The following ZBTB49 variants were observed in gnomAD, a reference collection of about 807,000 sequenced individuals.
ZBTB49 encodes the protein zinc finger and BTB domain containing 49, also known as zinc finger and BTB domain-containing protein 49.
Under a neutral mutation model 57.5 loss-of-function variants are expected in ZBTB49, and 43 were observed. The observed-to-expected ratio is 0.75, with a 90% CI of 0.59 to 0.97. The LOEUF is 0.97. Among genes scored for constraint, ZBTB49 ranks in the 50% least tolerant of loss-of-function variants. The pLI is 0.00. For synonymous variants in ZBTB49, 369 were observed against 362.1 expected (o/e 1.02, Z -0.22); for missense variants, 938 against 947.7 (o/e 0.99, Z 0.13).
intron 1 of ZBTB49, among the ~76,000 whole-genome samples, chr4:4,298,891 T>G (rs1438529159): frequency 6.6e-6 from 1 of 152,262 alleles, no homozygotes; most frequent in Non-Finnish European, 1.5e-5. Flanking sequence ...TTTTGTTTAG[T>G]CGTGCATCAG....
chr4:4,303,668 A>G (rs898182635), intron 3 of ZBTB49, among the ~76,000 whole-genome samples: 10 of 151,866 alleles, frequency 6.6e-5, no homozygotes, highest in Non-Finnish European at 1.2e-4. Flanking sequence ...TGAATTTTCA[A>G]AGTTTTGTTA....
rs1191838384 is a variant in ZBTB49, at chr4:4,321,118, T to C, written c.2100T>C (p.Gly700=). 5 of 1,614,162 alleles carry C rather than the reference T, an allele frequency of 3.1e-6. No individual in the cohort carries two copies. The South Asian group carries it at 5.5e-5, about 18-fold the overall frequency. The change falls in exon 8 of 8, where the codon GGT becomes GGC. Residue 700 remains glycine, a synonymous_variant. Transcript: ENST00000337872. ...ACTCGGATGTGGACACCCCAGCCGGTGGCGAACCACTGCAGGCCGATGGCA... is the reference window on the plus strand; with the variant it reads ...ACTCGGATGTGGACACCCCAGCCGGCGGCGAACCACTGCAGGCCGATGGCA... The part of the protein sequence containing the change: ...YAYSDVDTPA[G]GEPLQADGMA...
chr4:4,295,052 C>G (rs1720128238), intron 1 of ZBTB49, among the ~76,000 whole-genome samples: 1 of 152,090 alleles, frequency 6.6e-6, no homozygotes, highest in Non-Finnish European at 1.5e-5. Context: ...GTCTCCATAT[C>G]TTAATTGTTT....
chr4:4,300,297 A>G (rs1338679091), intron 2 of ZBTB49, among the ~76,000 whole-genome samples, 200 bp downstream of exon 2: 1 of 152,212 alleles, frequency 6.6e-6, no homozygotes, highest in Non-Finnish European at 1.5e-5. Flanking sequence ...GTAACCTGAA[A>G]AGAAAAGAGG....
At chr4:4,318,988 A>G (rs1681711910) in intron 7 of ZBTB49, among the ~76,000 whole-genome samples, 1 of 148,500 alleles carries the variant, frequency 6.7e-6, no homozygotes, top group Non-Finnish European at 1.5e-5. Flanking sequence ...CCTCCTGGAC[A>G]CAGGCAGTCC....
At chr4:4,297,714 C>T (rs867577530) in intron 1 of ZBTB49, among the ~76,000 whole-genome samples, 16 of 149,062 alleles carry the variant, frequency 1.1e-4, no homozygotes, top group African/African-American at 3.9e-4. Flanking sequence ...GTTAAGACTG[C>T]AGTGGGCTCT....
chr4:4,307,189 A>G lies in ZBTB49; in HGVS notation c.1302+1005A>G, dbSNP rs16835556. Reference sequence around the variant, plus strand: ...CTCTCATCGCGTACTCGGTCGGGTCATGTCCTCCTGAGCACTTCATTTCTC... The same window carrying G: ...CTCTCATCGCGTACTCGGTCGGGTCGTGTCCTCCTGAGCACTTCATTTCTC... On this transcript the variant is annotated intron_variant, in intron 4 of 7. Coordinates refer to ENST00000337872, the MANE Select transcript of ZBTB49 (RefSeq NM_145291.4). 4.2e-3 allele frequency among the ~76,000 whole-genome samples: 633 copies of G among 152,304 alleles called. 3 individuals carry two copies. The highest frequency in any genetic ancestry group is 0.029 in the South Asian group (139 of 4,832).
chr4:4,297,479 C>G (rs1325763100), intron 1 of ZBTB49, among the ~76,000 whole-genome samples: 1 of 152,126 alleles, frequency 6.6e-6, no homozygotes. Context: ...CAACCCCAAA[C>G]CCAGAGCGGG....
intron 1 of ZBTB49, among the ~76,000 whole-genome samples, chr4:4,291,054 A>G (rs1265192660): frequency 6.6e-6 from 1 of 152,242 alleles, no homozygotes; most frequent in East Asian, 1.9e-4. Context: ...TGCACAGAGT[A>G]TTGTGAGAAA....
chr4:4,321,595 G>A lies in ZBTB49; in HGVS notation c.*279G>A, dbSNP rs531105994. 23 of 502,056 alleles carry A rather than the reference G, an allele frequency of 4.6e-5. No individual in the cohort carries two copies. In the East Asian group the frequency reaches 5.0e-4, roughly 11 times the overall value. The allele number at this position is 502,056 out of a possible 1,614,324, so 31.1% of individuals were successfully genotyped here. A position where few individuals can be genotyped will look rare whatever the true frequency, so the allele number is the denominator to read the frequency against. ...GCAGCCTCAGCTGTGGGGGGGAAGC[G>A]CGTGTGCATCGTGTCAACTACTGTA... On this transcript the variant is annotated 3_prime_UTR_variant, in exon 8 of 8. Transcript: ENST00000337872.
At chr4:4,295,290 G>A (rs1232939900) in intron 1 of ZBTB49, among the ~76,000 whole-genome samples, 1 of 152,174 alleles carries the variant, frequency 6.6e-6, no homozygotes, top group African/African-American at 2.4e-5. Context: ...GGCAGCAGGG[G>A]AGAGAGAACC....
intron 1 of ZBTB49, among the ~76,000 whole-genome samples, chr4:4,297,437 G>A (rs769767795): frequency 4.6e-5 from 7 of 152,060 alleles, no homozygotes; most frequent in Non-Finnish European, 7.4e-5. Flanking sequence ...AGACGTGATG[G>A]GAATGAAGAC....
chr4:4,291,195 G>T (rs1248499955), intron 1 of ZBTB49, among the ~76,000 whole-genome samples: 1 of 152,236 alleles, frequency 6.6e-6, no homozygotes, highest in Admixed American at 6.5e-5. Flanking sequence ...TTAAACAACA[G>T]AAATTTATTA....
rs368171133 is a variant in ZBTB49, at chr4:4,302,761, C to T, written c.925C>T (p.Leu309=). Residue 309 remains leucine, a synonymous_variant, in exon 3 of 8, where the codon CTG becomes TTG. Transcript: ENST00000337872. ...KQMRLKKAIH[L]KKLNFLKSQK... ...GATGAGGCTCAAAAAGGCCATTCAT[C>T]TGAAGAAGCTCAATTTCCTGAAGTC... 9 of 1,614,000 alleles carry T rather than the reference C, an allele frequency of 5.6e-6. No homozygotes were observed. The highest frequency in any genetic ancestry group is 7.6e-6 in the Non-Finnish European group (9 of 1,180,028).
chr4:4,320,703 C>T lies in ZBTB49; in HGVS notation c.1685C>T (p.Pro562Leu), dbSNP rs756003468. 22 of 1,614,034 alleles carry T rather than the reference C, an allele frequency of 1.4e-5. No individual in the cohort carries two copies. The highest frequency in any genetic ancestry group is 2.2e-5 in the South Asian group (2 of 91,082). The change falls in exon 8 of 8, where the codon CCG becomes CTG. Residue 562 changes from proline to leucine, a missense_variant. By Grantham distance (98) the Pro-to-Leu change is moderately conservative. Around this residue, in one of 3 missense-constraint regions of ZBTB49, gnomAD observed 835 missense variants for 819.1 expected, o/e 1.02. Transcript: ENST00000337872. ...RHVRTHTGEK[P>L]YTCEICNKCF... is the part of the protein sequence containing the mutation. Reference sequence around the variant, plus strand: ...GTCCGCACTCACACTGGGGAGAAGCCGTACACATGTGAGATCTGTAACAAG... The same window carrying T: ...GTCCGCACTCACACTGGGGAGAAGCTGTACACATGTGAGATCTGTAACAAG...
chr4:4,316,885 C>T (rs987262134), intron 7 of ZBTB49, among the ~76,000 whole-genome samples: 10 of 152,208 alleles, frequency 6.6e-5, no homozygotes, highest in East Asian at 1.9e-4. Flanking sequence ...AAATCACTAA[C>T]GTAGGAGCCT....
In ZBTB49 at chr4:4,302,141, A is replaced by T. The variant is rs142796010; in HGVS notation, c.305A>T (p.Gln102Leu). Reference sequence around the variant, plus strand: ...ATACAAGTAATGCTGGACACAGCACAGTGTTTGCAAGTTCAAAATGTTCTG... The same window carrying T: ...ATACAAGTAATGCTGGACACAGCACTGTGTTTGCAAGTTCAAAATGTTCTG... Reference protein sequence around the residue: ...DNIQVMLDTAQCLQVQNVLSL... With the variant: ...DNIQVMLDTALCLQVQNVLSL... Residue 102 changes from glutamine to leucine, a missense_variant, in exon 3 of 8, where the codon CAG becomes CTG. Coordinates refer to ENST00000337872, the MANE Select transcript of ZBTB49 (RefSeq NM_145291.4). 6.2e-7 allele frequency: 1 copy of T among 1,614,248 alleles called. No individual in the cohort carries two copies. The highest frequency in any genetic ancestry group is 1.1e-5 in the South Asian group (1 of 91,088).
intron 1 of ZBTB49, among the ~76,000 whole-genome samples, chr4:4,295,266 G>A (rs1182214356): frequency 6.6e-6 from 1 of 152,168 alleles, no homozygotes; most frequent in East Asian, 1.9e-4. Context: ...GGGGAAGCAA[G>A]GCACATCTTA....
At chr4:4,320,614 AT>A in intron 7 of ZBTB49, 25 bp from the exon 8 acceptor site, 1 of 1,612,894 alleles carries the variant, frequency 6.2e-7, no homozygotes, top group Non-Finnish European at 8.5e-7. Context: ...GTTTAAGTAA[AT>A]AAATAACTGT....
Sources: allele counts gnomAD v4.1 joint callset (sites outside exome capture counted in the v4.1 genomes callset), GRCh38; gene constraint gnomAD v4.1.1; regional missense constraint gnomAD v4.1.1; transcripts MANE v1.5; gene names NCBI Gene and HGNC (gene_info 2026-07-23, HGNC 2026-07-21).